Variants in TIGD2 observed in about 807,000 individuals in gnomAD.
TIGD2 encodes the protein tigger transposable element derived 2.
A neutral mutation model predicts 27.0 loss-of-function variants in TIGD2; 14 were observed. The ratio of observed to expected loss-of-function variants is 0.52; its 90% CI spans 0.34 to 0.81. TIGD2 has a LOEUF of 0.81. Ranked by LOEUF, TIGD2 falls within the 30% of genes least tolerant of loss-of-function variation. TIGD2 has a pLI of 0.01. For missense variants in TIGD2, 590 were observed against 617.3 expected (o/e 0.96, Z 0.47); for synonymous variants, 201 against 209.0 (o/e 0.96, Z 0.33).
chr4:89,114,632 A>C lies in TIGD2; in HGVS notation c.*80A>C. On this transcript the variant is annotated 3_prime_UTR_variant, in exon 2 of 2. Transcript: ENST00000603357. ...ACTTTGCTTGTTTGAAGTCCTGTGGATTCCAAAGCCAAATACATTTTATAA... is the reference window on the plus strand; with the variant it reads ...ACTTTGCTTGTTTGAAGTCCTGTGGCTTCCAAAGCCAAATACATTTTATAA... 1 of 1,374,216 alleles carries C rather than the reference A, an allele frequency of 7.3e-7. No individual in the cohort carries two copies. Among genetic ancestry groups the C allele is most frequent in the Non-Finnish European group, 9.9e-7 (1 of 1,014,380 alleles). 85.1% of individuals were successfully genotyped at this position (1,374,216 alleles called of 1,614,324 possible).
At position 89,113,590 on chromosome 4, in the gene TIGD2, A is replaced by G. The variant is rs1381510923; in HGVS notation, c.616A>G (p.Arg206Gly). Residue 206 changes from arginine (R) to glycine (G), a missense_variant, in exon 2 of 2, where the codon AGA becomes GGA. This residue lies in a region of TIGD2 where 451 missense variants were observed against 448.0 expected (regional missense o/e 1.01). Coordinates refer to ENST00000603357, the MANE Select transcript of TIGD2 (RefSeq NM_145715.3). ...AAGTACTTCTGGGTGTAGGTCAAGC[A>G]GAGAGAGAATCATCATTATGTGTTG... ...DQSTSGCRSS[R>G]ERIIIMCCAN... The G allele has an allele frequency of 1.9e-6, 3 of 1,613,944 alleles. No homozygotes were observed. The highest frequency in any genetic ancestry group is 1.1e-5 in the South Asian group (1 of 91,076).
Position 89,112,094 on chromosome 4 carries a change from G to A in TIGD2, c.-881G>A, listed in dbSNP as rs1324666544. On this transcript the variant is annotated 5_prime_UTR_variant, in exon 2 of 2. Transcript: ENST00000603357. ...TTCGGAGCCTCCGAGTATCTCTACA[G>A]CCCCCACAGGAACTGCTTCTGTTGG... The A allele has an allele frequency of 6.6e-6, 1 of 152,146 alleles. No individual in the cohort carries two copies. The highest frequency in any genetic ancestry group is 1.9e-4 in the East Asian group (1 of 5,182). The allele number at this position is 152,146 out of a possible 1,614,324, so 9.4% of individuals were successfully genotyped here.
Position 89,114,596 on chromosome 4 carries a change from T to C in TIGD2, c.*44T>C. On this transcript the variant is annotated 3_prime_UTR_variant, in exon 2 of 2. Transcript: ENST00000603357. ...CAGTGTATCTGCATCTTTGTGACTATCTGCAGTGAAACTTTGCTTGTTTGA... is the reference window on the plus strand; with the variant it reads ...CAGTGTATCTGCATCTTTGTGACTACCTGCAGTGAAACTTTGCTTGTTTGA... The C allele has an allele frequency of 6.6e-7, 1 of 1,508,418 alleles. No homozygotes were observed. 93.4% of individuals were successfully genotyped at this position (1,508,418 alleles called of 1,614,324 possible). A position where few individuals can be genotyped will look rare whatever the true frequency, so the allele number is the denominator to read the frequency against.
At position 89,113,690 on chromosome 4, in the gene TIGD2, G is replaced by A; in HGVS notation, c.716G>A (p.Gly239Asp). The change falls in exon 2 of 2, where the codon GGC (glycine) becomes GAC (aspartate). Residue 239 changes from glycine to aspartate, a missense_variant. Around this residue, in one of 3 missense-constraint regions of TIGD2, gnomAD observed 451 missense variants for 448.0 expected, o/e 1.01. Coordinates refer to ENST00000603357, the MANE Select transcript of TIGD2 (RefSeq NM_145715.3). ...GKAKKPRAFK[G>D]TDLSNLPVTY... is the part of the protein sequence containing the mutation. ...GCCAAAAAGCCCCGAGCATTCAAAGGCACTGACCTTTCAAACCTTCCTGTG... is the reference window on the plus strand; with the variant it reads ...GCCAAAAAGCCCCGAGCATTCAAAGACACTGACCTTTCAAACCTTCCTGTG... The A allele has an allele frequency of 6.2e-7, 1 of 1,614,136 alleles. No homozygotes were observed. Among genetic ancestry groups the A allele is most frequent in the Non-Finnish European group, 8.5e-7 (1 of 1,180,028 alleles).
In TIGD2 at chr4:89,113,863, C is replaced by A. The variant is rs369434745; in HGVS notation, c.889C>A (p.Arg297Ser). 5 of 1,614,036 alleles carry A rather than the reference C, an allele frequency of 3.1e-6. No individual in the cohort carries two copies. The highest frequency in any genetic ancestry group is 4.2e-6 in the Non-Finnish European group (5 of 1,180,046). The change falls in exon 2 of 2, where the codon CGT becomes AGT. Residue 297 changes from arginine (R) to serine (S), a missense_variant. By Grantham distance (110) the Arg-to-Ser change is moderately radical. Coordinates refer to ENST00000603357, the MANE Select transcript of TIGD2 (RefSeq NM_145715.3). ...AVLLLDFPPA[R>S]PNEEMLSSDD... The stretch of plus-strand genomic sequence containing the variant: ...GCTTCTTTTAGATTTCCCCCCAGCA[C>A]GTCCAAATGAAGAAATGTTGAGTTC...
Position 89,114,627 on chromosome 4 carries a change from T to C in TIGD2, c.*75T>C, listed in dbSNP as rs1426019032. On this transcript the variant is annotated 3_prime_UTR_variant, in exon 2 of 2. Transcript: ENST00000603357. ...GTGAAACTTTGCTTGTTTGAAGTCC[T>C]GTGGATTCCAAAGCCAAATACATTT... The C allele has an allele frequency of 9.1e-6, 13 of 1,429,200 alleles. No homozygotes were observed. The highest frequency in any genetic ancestry group is 3.8e-6 in the Non-Finnish European group (4 of 1,062,482). 88.5% of individuals were successfully genotyped at this position (1,429,200 alleles called of 1,614,324 possible).
rs1721121951 is a variant in TIGD2, at chr4:89,112,726, T to C, written c.-249T>C. On this transcript the variant is annotated 5_prime_UTR_variant, in exon 2 of 2. Transcript: ENST00000603357. The stretch of plus-strand genomic sequence containing the variant: ...TGTGATTGCACTTCATGAAAGACCC[T>C]GAACCCTGAGGAGGAAGAAAGATAG... 1 of 423,360 alleles carries C rather than the reference T, an allele frequency of 2.4e-6. No individual in the cohort carries two copies. Among genetic ancestry groups the C allele is most frequent in the East Asian group, 4.0e-5 (1 of 24,844 alleles). The allele number at this position is 423,360 out of a possible 1,614,324, so 26.2% of individuals were successfully genotyped here.
Position 89,114,695 on chromosome 4 carries a change from A to G in TIGD2, c.*143A>G. 2 of 812,470 alleles carry G rather than the reference A, an allele frequency of 2.5e-6. No individual in the cohort carries two copies. The highest frequency in any genetic ancestry group is 4.2e-5 in the South Asian group (2 of 47,798). The allele number at this position is 812,470 out of a possible 1,614,324, so 50.3% of individuals were successfully genotyped here. A position where few individuals can be genotyped will look rare whatever the true frequency, so the allele number is the denominator to read the frequency against. Reference sequence around the variant, plus strand: ...TTAGATGTCAGTTTGGATTACTTAAATTACAACTCTTTAATGTTGACTCTA... The same window carrying G: ...TTAGATGTCAGTTTGGATTACTTAAGTTACAACTCTTTAATGTTGACTCTA... On this transcript the variant is annotated 3_prime_UTR_variant, in exon 2 of 2. Coordinates refer to ENST00000603357, the MANE Select transcript of TIGD2 (RefSeq NM_145715.3).
chr4:89,113,781 C>T lies in TIGD2; in HGVS notation c.807C>T (p.Tyr269=), dbSNP rs781483946. The T allele has an allele frequency of 1.1e-5, 17 of 1,614,178 alleles. No individual in the cohort carries two copies. In the South Asian group the frequency reaches 1.8e-4, roughly 17 times the overall value. The change falls in exon 2 of 2, where the codon TAC becomes TAT. Residue 269 remains tyrosine, a synonymous_variant. Transcript: ENST00000603357. ...TTTTCAGACAGTGGTTTGAAAAGTA[C>T]TTTGTGCCACAGGTACAGAAGCATT... The part of the protein sequence containing the change: ...QSVFRQWFEK[Y]FVPQVQKHLK...
rs1721110621 is a variant in TIGD2 at position 89,112,407 on chromosome 4, C to A, written c.-568C>A. 2.0e-5 allele frequency: 3 copies of A among 152,368 alleles called. No individual in the cohort carries two copies. 9.4% of individuals were successfully genotyped at this position (152,368 alleles called of 1,614,324 possible). On this transcript the variant is annotated 5_prime_UTR_variant, in exon 2 of 2. Coordinates refer to ENST00000603357, the MANE Select transcript of TIGD2 (RefSeq NM_145715.3). ...TGCGTATGATTTCCACAAGCACTCA[C>A]TTGCGCAACCTATAGCAGAGTCCGT...
rs775267124 is a variant in TIGD2 at position 89,114,192 on chromosome 4, A to G, written c.1218A>G (p.Leu406=). 1 of 1,614,202 alleles carries G rather than the reference A, an allele frequency of 6.2e-7. No individual in the cohort carries two copies. Among genetic ancestry groups the G allele is most frequent in the South Asian group, 1.1e-5 (1 of 91,074 alleles). The change falls in exon 2 of 2, where the codon TTA becomes TTG. Residue 406 remains leucine (L), a synonymous_variant. Coordinates refer to ENST00000603357, the MANE Select transcript of TIGD2 (RefSeq NM_145715.3). ...TGAACATTGATGAAGGAGCCATTTT[A>G]GCAGCTAATTTAGCAACAGTTTTAC... is the stretch of plus-strand genomic sequence containing the variant. ...SGMNIDEGAI[L]AANLATVLQN...
In TIGD2 at chr4:89,114,736, C is replaced by T. The variant is rs972381239; in HGVS notation, c.*184C>T. The T allele has an allele frequency of 4.9e-5, 29 of 591,988 alleles. No homozygotes were observed. The highest frequency in any genetic ancestry group is 1.1e-4 in the African/African-American group (6 of 53,472). The allele number at this position is 591,988 out of a possible 1,614,324, so 36.7% of individuals were successfully genotyped here. On this transcript the variant is annotated 3_prime_UTR_variant, in exon 2 of 2. Transcript: ENST00000603357. ...GTTGACTCTAGTCATTGGGCATTGA[C>T]GTGTAACTTGTCTTTCTACTGTTTC...
rs1397044505 is a variant in TIGD2 at position 89,113,925 on chromosome 4, A to G, written c.951A>G (p.Pro317=). The stretch of plus-strand genomic sequence containing the variant: ...GAATAATTGTGAAGTATTTGCCACC[A>G]AATGTCACAAGTCTGATTCAACCAA... The part of the protein sequence containing the change: ...DGRIIVKYLP[P]NVTSLIQPMS... Residue 317 remains proline, a synonymous_variant, in exon 2 of 2, where the codon CCA becomes CCG. Coordinates refer to ENST00000603357, the MANE Select transcript of TIGD2 (RefSeq NM_145715.3). 9 of 1,614,082 alleles carry G rather than the reference A, an allele frequency of 5.6e-6. No individual in the cohort carries two copies. The highest frequency in any genetic ancestry group is 5.0e-5 in the Admixed American group (3 of 60,008).
Position 89,114,316 on chromosome 4 carries a change from GA to G in TIGD2, c.1345del (p.Ser449ValfsTer22). ...AAGCTGTCAGGTGCTGACTGACAGT[GA>G]AAGTGCTGAGGACCAGACCAAGGCT... ...DSSCQVLTDS[E>X]SAEDQTKAAE... is the part of the protein sequence containing the mutation. On this transcript the variant is annotated frameshift_variant, in exon 2 of 2. Transcript: ENST00000603357. LOFTEE classifies it high-confidence loss of function. 1 of 1,614,140 alleles carries G rather than the reference GA, an allele frequency of 6.2e-7. No individual in the cohort carries two copies. Among genetic ancestry groups the G allele is most frequent in the Non-Finnish European group, 8.5e-7 (1 of 1,180,040 alleles).
In TIGD2 at chr4:89,111,808, C is replaced by T. The variant is rs930976547; in HGVS notation, c.-984C>T. 3 of 152,212 alleles carry T rather than the reference C, an allele frequency of 2.0e-5. No individual in the cohort carries two copies. The highest frequency in any genetic ancestry group is 7.2e-5 in the African/African-American group (3 of 41,456). The allele number at this position is 152,212 out of a possible 1,614,324, so 9.4% of individuals were successfully genotyped here. On this transcript the variant is annotated 5_prime_UTR_variant, in exon 1 of 2. Transcript: ENST00000603357. ...GCTCCCTCCGCGGGAGGAAAGACGT[C>T]CCGCGCTCTGAAGCTCGCCCAGCGG...
chr4:89,112,901 T>C lies in TIGD2; in HGVS notation c.-74T>C. ...GGAGGAATCTTACGAACTCATTTTC[T>C]AGTTGCTTTGTATTCAAATCTTAGT... On this transcript the variant is annotated 5_prime_UTR_variant, in exon 2 of 2. Coordinates refer to ENST00000603357, the MANE Select transcript of TIGD2 (RefSeq NM_145715.3). 7.6e-7 allele frequency: 1 copy of C among 1,319,556 alleles called. No individual in the cohort carries two copies. Among genetic ancestry groups the C allele is most frequent in the East Asian group, 2.3e-5 (1 of 42,958 alleles). The allele number at this position is 1,319,556 out of a possible 1,614,324, so 81.7% of individuals were successfully genotyped here. A position where few individuals can be genotyped will look rare whatever the true frequency, so the allele number is the denominator to read the frequency against.
At chr4:89,111,253 C>G (rs748151178), upstream of TIGD2, 1,246 of 979,282 alleles carry the variant, frequency 1.3e-3, 2 homozygotes, top group Non-Finnish European at 1.4e-3. Flanking sequence ...AAATTTCCCC[C>G]TAGGGAGAAA....
In TIGD2 at chr4:89,113,923, C is replaced by T. The variant is rs796442861; in HGVS notation, c.949C>T (p.Pro317Ser). 7.4e-6 allele frequency: 12 copies of T among 1,614,136 alleles called. 1 individual carries two copies. The highest frequency in any genetic ancestry group is 4.5e-5 in the East Asian group (2 of 44,884). The change falls in exon 2 of 2, where the codon CCA becomes TCA. Residue 317 changes from proline (P) to serine (S), a missense_variant. Physicochemically the swap from Pro to Ser is moderately conservative, Grantham distance 74. Coordinates refer to ENST00000603357, the MANE Select transcript of TIGD2 (RefSeq NM_145715.3). ...DGRIIVKYLP[P>S]NVTSLIQPMS... is the part of the protein sequence containing the mutation. Reference sequence around the variant, plus strand: ...CAGAATAATTGTGAAGTATTTGCCACCAAATGTCACAAGTCTGATTCAACC... The same window carrying T: ...CAGAATAATTGTGAAGTATTTGCCATCAAATGTCACAAGTCTGATTCAACC...
Position 89,112,892 on chromosome 4 carries a change from C to G in TIGD2, c.-83C>G, listed in dbSNP as rs998167447. The G allele has an allele frequency of 2.6e-5, 32 of 1,250,216 alleles. 1 individual carries two copies. Among genetic ancestry groups the G allele is most frequent in the Admixed American group, 1.9e-4 (8 of 42,048 alleles). 77.4% of individuals were successfully genotyped at this position (1,250,216 alleles called of 1,614,324 possible). Reference sequence around the variant, plus strand: ...GAAGTGAGAGGAGGAATCTTACGAACTCATTTTCTAGTTGCTTTGTATTCA... The same window carrying G: ...GAAGTGAGAGGAGGAATCTTACGAAGTCATTTTCTAGTTGCTTTGTATTCA... On this transcript the variant is annotated 5_prime_UTR_variant, in exon 2 of 2. Transcript: ENST00000603357.
Sources: gnomAD v4.1 joint callset for allele counts on GRCh38, gnomAD v4.1.1 for gene constraint, gnomAD v4.1.1 regional missense constraint, MANE v1.5 for transcripts, NCBI Gene and HGNC (gene_info 2026-07-23, HGNC 2026-07-21) for gene names.